The following MDFIC2 variants were observed in gnomAD, a reference collection of about 807,000 sequenced individuals.
MDFIC2 encodes the protein myoD family inhibitor domain-containing protein 2.
At chr3:70,269,700 G>A (rs1311429195) in intron 2 of MDFIC2, among the ~76,000 whole-genome samples, 2 of 151,834 alleles carry the variant, frequency 1.3e-5, no homozygotes, top group South Asian at 4.2e-4. Context: ...TAATATAGTG[G>A]CAAAAAACTA....
intron 2 of MDFIC2, among the ~76,000 whole-genome samples, chr3:70,275,370 T>A (rs117521457): frequency 6.6e-6 from 1 of 151,724 alleles, no homozygotes; most frequent in East Asian, 1.9e-4. Flanking sequence ...AAAAAATTAG[T>A]TGGGTGTGGT....
chr3:70,282,068 A>G (rs1327337999), intron 2 of MDFIC2, among the ~76,000 whole-genome samples: 2 of 152,164 alleles, frequency 1.3e-5, no homozygotes, highest in African/African-American at 4.8e-5. Context: ...CCAATCACTG[A>G]GACAAGTACA....
At chr3:70,274,173 T>G (rs185385322) in intron 2 of MDFIC2, among the ~76,000 whole-genome samples, 3 of 151,946 alleles carry the variant, frequency 2.0e-5, no homozygotes, top group Non-Finnish European at 4.4e-5. Context: ...CATACATATG[T>G]GTAGGGGGTG....
chr3:70,300,485 A>G (rs1171226410), intron 2 of MDFIC2, among the ~76,000 whole-genome samples: 1 of 151,990 alleles, frequency 6.6e-6, no homozygotes. Context: ...AGATATGTGT[A>G]TTTTTCCAGC....
At chr3:70,214,660 G>A (rs1342142723) in intron 2 of MDFIC2, among the ~76,000 whole-genome samples, 7 of 146,446 alleles carry the variant, frequency 4.8e-5, no homozygotes, top group African/African-American at 1.3e-4. Context: ...TTTTCTGCCC[G>A]CCACTATACT....
intron 2 of MDFIC2, among the ~76,000 whole-genome samples, chr3:70,268,756 T>C (rs939644151): frequency 6.6e-6 from 1 of 152,224 alleles, no homozygotes; most frequent in African/African-American, 2.4e-5. Flanking sequence ...AATACTTCAA[T>C]GAAGTATCTA....
rs1186261027 is a variant in MDFIC2, at chr3:70,245,311, C to T, written c.89-38521G>A. Among the ~76,000 whole-genome samples the T allele has an allele frequency of 2.6e-5, 4 of 151,996 alleles. No homozygotes were observed. The East Asian group carries it at 7.8e-4, about 29-fold the overall frequency. ...TAAAATTACTTTTGGATAACATTTT[C>T]CTCTCTCATTGCCTAAGAGAAAACA... is the stretch of plus-strand genomic sequence containing the variant. On this transcript the variant is annotated intron_variant, in intron 2 of 3. Transcript: ENST00000567252.
chr3:70,251,022 G>T (rs1206403449), intron 2 of MDFIC2, among the ~76,000 whole-genome samples: 1 of 152,144 alleles, frequency 6.6e-6, no homozygotes. Context: ...CCATTTAAAC[G>T]CCTTTCCAGA....
intron 2 of MDFIC2, among the ~76,000 whole-genome samples, chr3:70,310,666 A>G (rs543088580): frequency 6.6e-6 from 1 of 152,178 alleles, no homozygotes; most frequent in South Asian, 2.1e-4. Flanking sequence ...GCACCCGGCC[A>G]TAGGTGTATT....
At chr3:70,225,164 T>A (rs567997413) in intron 2 of MDFIC2, among the ~76,000 whole-genome samples, 1 of 152,274 alleles carries the variant, frequency 6.6e-6, no homozygotes, top group Non-Finnish European at 1.5e-5. Flanking sequence ...ACACCTTTTG[T>A]GCCATGATGA....
intron 2 of MDFIC2, among the ~76,000 whole-genome samples, chr3:70,241,078 C>G (rs187207736): frequency 6.6e-6 from 1 of 152,046 alleles, no homozygotes; most frequent in Non-Finnish European, 1.5e-5. Flanking sequence ...GATGTGACTG[C>G]GGTGACACTG....
chr3:70,279,046 G>A (rs1702055742), intron 2 of MDFIC2, among the ~76,000 whole-genome samples: 1 of 150,174 alleles, frequency 6.7e-6, no homozygotes, highest in South Asian at 2.2e-4. Flanking sequence ...CCCTTGTCAA[G>A]CTTTCTCCCT....
chr3:70,206,524 GT>G, intron 3 of MDFIC2, 44 bp downstream of exon 3: 1 of 397,236 alleles, frequency 2.5e-6, no homozygotes, highest in Non-Finnish European at 4.4e-6. Context: ...GGGGATGGGG[GT>G]TGGGAGCTTT....
chr3:70,301,758 T>C (rs1025422549), intron 2 of MDFIC2, among the ~76,000 whole-genome samples: 5 of 152,090 alleles, frequency 3.3e-5, no homozygotes, highest in Admixed American at 2.0e-4. Context: ...ATATAAACTT[T>C]TCATATTTTA....
intron 2 of MDFIC2, among the ~76,000 whole-genome samples, chr3:70,301,978 C>T (rs984553075): frequency 3.3e-5 from 5 of 152,046 alleles, no homozygotes; most frequent in African/African-American, 1.2e-4. Context: ...TCTTTACTTT[C>T]TGCAGGGTAG....
Position 70,194,672 on chromosome 3 carries a change from TTA to T in MDFIC2, c.*2252_*2253del, listed in dbSNP as rs1487446900. ...ATTACCACATAAGACCTGGTGATTT[TTA>T]TGTCTCTAATTGACAAGCATTCAAT... On this transcript the variant is annotated 3_prime_UTR_variant, in exon 4 of 4. Transcript: ENST00000567252. 6.6e-6 allele frequency among the ~76,000 whole-genome samples: 1 copy of T among 152,228 alleles called. No individual in the cohort carries two copies. Among genetic ancestry groups the T allele is most frequent in the Non-Finnish European group, 1.5e-5 (1 of 68,040 alleles).
chr3:70,223,921 C>G (rs2106738831), intron 2 of MDFIC2, among the ~76,000 whole-genome samples: 1 of 152,164 alleles, frequency 6.6e-6, no homozygotes, highest in African/African-American at 2.4e-5. Context: ...TTTGTACTCT[C>G]CTCTCCCCCC....
chr3:70,292,017 C>T (rs1254271187), intron 2 of MDFIC2: 3 of 152,176 alleles, frequency 2.0e-5, no homozygotes, highest in African/African-American at 7.2e-5. Flanking sequence ...GGTTTCAAAG[C>T]TGAATAAATA....
At chr3:70,256,031 C>G (rs1247049100) in intron 2 of MDFIC2, among the ~76,000 whole-genome samples, 1 of 152,152 alleles carries the variant, frequency 6.6e-6, no homozygotes, top group Non-Finnish European at 1.5e-5. Context: ...TGTAATAGTA[C>G]CACCCCAAAT....
Sources: allele counts gnomAD v4.1 joint callset (sites outside exome capture counted in the v4.1 genomes callset), GRCh38; gene constraint gnomAD v4.1.1; transcripts MANE v1.5; gene names NCBI Gene and HGNC (gene_info 2026-07-23, HGNC 2026-07-21).